CELF4: variants seen among roughly 807,000 people sequenced by gnomAD.
CELF4 encodes the protein CUGBP Elav-like family member 4, also known as CUG-BP- and ETR-3-like factor 4.
In CELF4, 18 loss-of-function variants were observed where a neutral mutation model predicts 59.9. That is an observed-to-expected ratio of 0.30 (90% CI 0.21 to 0.45). CELF4 has a LOEUF of 0.45. Ranked by LOEUF, CELF4 falls within the 20% of genes least tolerant of loss-of-function variation. The probability of loss-of-function intolerance (pLI) is 1.00; values close to 1 mark genes in which losing one functional copy is unlikely to be tolerated. For missense variants in CELF4, 456 were observed against 689.0 expected, an observed-to-expected ratio of 0.66 and a Z score of 3.79; for synonymous variants, 261 against 267.1, an observed-to-expected ratio of 0.98 and a Z score of 0.22.
chr18:37,312,320 G>C (rs528099534), intron 3 of CELF4, among the ~76,000 whole-genome samples: 32 of 152,114 alleles, frequency 2.1e-4, no homozygotes, highest in Non-Finnish European at 2.9e-4. Context: ...GCTGGGCCTG[G>C]CCAGTTGCTA....
intron 1 of CELF4, among the ~76,000 whole-genome samples, chr18:37,560,056 G>A (rs534540508): frequency 3.9e-5 from 6 of 152,200 alleles, no homozygotes; most frequent in Non-Finnish European, 5.9e-5. Context: ...ATTGGAGCAG[G>A]TGATGAAGGG....
intron 3 of CELF4, among the ~76,000 whole-genome samples, chr18:37,288,919 C>T (rs1387156161): frequency 1.3e-5 from 2 of 152,030 alleles, no homozygotes; most frequent in South Asian, 2.1e-4. Context: ...ATTTGGTTAC[C>T]GTGAAATTCC....
Position 37,554,764 on chromosome 18 carries a change from CT to C in CELF4, c.286+10591del, listed in dbSNP as rs1297108022. ...CTTTTCACTTCTTCCCCAGGACATC[CT>C]TCCAGGTGTTATCTATGGCTGCCAA... On this transcript the variant is annotated intron_variant, in intron 1 of 12. Transcript: ENST00000420428. 7.0e-4 allele frequency among the ~76,000 whole-genome samples: 106 copies of C among 152,232 alleles called. 1 individual carries two copies. Among genetic ancestry groups the C allele is most frequent in the Non-Finnish European group, 2.4e-4 (16 of 67,994 alleles).
intron 11 of CELF4, among the ~76,000 whole-genome samples, chr18:37,258,311 G>A (rs35532063): frequency 0.18 from 17,528 of 97,696 alleles, 1,312 homozygotes; most frequent in Middle Eastern, 0.26. Flanking sequence ...CCACACCCCC[G>A]CGCCTGGTCT....
At chr18:37,370,210 C>G (rs569611249) in intron 2 of CELF4, among the ~76,000 whole-genome samples, 43 of 152,268 alleles carry the variant, frequency 2.8e-4, no homozygotes, top group African/African-American at 1.0e-3. Flanking sequence ...TTTATGCCTC[C>G]TGAGGGACTA....
At chr18:37,387,753 C>G (rs970626546) in intron 2 of CELF4, among the ~76,000 whole-genome samples, 1 of 152,236 alleles carries the variant, frequency 6.6e-6, no homozygotes, top group Non-Finnish European at 1.5e-5. Context: ...ATCTTCATGT[C>G]CTGCTTTCCA....
Position 37,485,581 on chromosome 18 carries a change from G to A in CELF4, c.313C>T (p.Arg105Cys). Residue 105 changes from arginine (R) to cysteine (C), a missense_variant, in exon 2 of 13, where the codon CGT becomes TGT. Transcript: ENST00000420428. ...CTCTGGGCCTTCAGCGCTGACTCAC[G>A]CTCGCAGTAGGTGAGGAAGGCGCAG... Reference protein sequence around the residue: ...KGCAFLTYCERESALKAQSAL... With the variant: ...KGCAFLTYCECESALKAQSAL... 1 of 1,456,922 alleles carries A rather than the reference G, an allele frequency of 6.9e-7. No homozygotes were observed. Among genetic ancestry groups the A allele is most frequent in the Non-Finnish European group, 9.2e-7 (1 of 1,091,448 alleles). 90.2% of individuals were successfully genotyped at this position (1,456,922 alleles called of 1,614,324 possible).
intron 2 of CELF4, among the ~76,000 whole-genome samples, chr18:37,356,418 C>A (rs899251364): frequency 1.3e-4 from 19 of 151,996 alleles, no homozygotes; most frequent in Non-Finnish European, 2.8e-4. Flanking sequence ...CAGAAAGAGA[C>A]AAGGACATGA....
chr18:37,460,067 G>T (rs1330001416), intron 2 of CELF4, among the ~76,000 whole-genome samples: 1 of 152,198 alleles, frequency 6.6e-6, no homozygotes, highest in Non-Finnish European at 1.5e-5. Context: ...CAAGGGGGAG[G>T]AAGTCGAAGG....
chr18:37,484,108 C>T (rs1013551647), intron 2 of CELF4, among the ~76,000 whole-genome samples: 1 of 152,140 alleles, frequency 6.6e-6, no homozygotes, highest in Non-Finnish European at 1.5e-5. Flanking sequence ...CAATCTCTCT[C>T]AAGCTGATGA....
chr18:37,479,522 G>A (rs2099860326), intron 2 of CELF4, among the ~76,000 whole-genome samples: 1 of 152,210 alleles, frequency 6.6e-6, no homozygotes, highest in African/African-American at 2.4e-5. Flanking sequence ...AAAATTGAGA[G>A]CCACTGCCCT....
chr18:37,464,891 G>A (rs764318813), intron 2 of CELF4, among the ~76,000 whole-genome samples: 12 of 152,136 alleles, frequency 7.9e-5, no homozygotes, highest in Non-Finnish European at 1.5e-4. Flanking sequence ...ATGTTCTCCC[G>A]GGATAACTAC....
chr18:37,298,496 G>A (rs534303336), intron 3 of CELF4, among the ~76,000 whole-genome samples: 2 of 152,244 alleles, frequency 1.3e-5, no homozygotes, highest in East Asian at 3.9e-4. Flanking sequence ...GAGGTGGGTG[G>A]ATCACTTGGG....
intron 2 of CELF4, among the ~76,000 whole-genome samples, chr18:37,440,894 T>C (rs927647840): frequency 6.6e-6 from 1 of 152,196 alleles, no homozygotes; most frequent in Non-Finnish European, 1.5e-5. Context: ...CAAATGGAGA[T>C]AACAATTCTC....
intron 1 of CELF4, among the ~76,000 whole-genome samples, chr18:37,563,589 G>A (rs948084427): frequency 6.6e-6 from 1 of 152,094 alleles, no homozygotes; most frequent in Non-Finnish European, 1.5e-5. Context: ...GAAAAAGAAA[G>A]TGTTTTCTTT....
At chr18:37,300,360 G>T (rs1015831465) in intron 3 of CELF4, among the ~76,000 whole-genome samples, 2 of 152,132 alleles carry the variant, frequency 1.3e-5, no homozygotes, top group South Asian at 4.1e-4. Flanking sequence ...GAGTAGCTGG[G>T]ATTACAGGCA....
rs561464294 is a variant in CELF4, at chr18:37,243,186, C to CTTTTTT, written c.*2050_*2055dup. 18 of 100,574 alleles carry CTTTTTT rather than the reference C, an allele frequency of 1.8e-4. No homozygotes were observed. The highest frequency in any genetic ancestry group is 3.5e-4 in the South Asian group (1 of 2,890). 6.2% of individuals were successfully genotyped at this position (100,574 alleles called of 1,614,324 possible). ...TGTTTTCTTTTTTTTTTCTTTTTTT[C>CTTTTTT]TTTTTTTTTTTTTTTTTTTTACATC... On this transcript the variant is annotated 3_prime_UTR_variant, in exon 13 of 13. Coordinates refer to ENST00000420428, the MANE Select transcript of CELF4 (RefSeq NM_020180.4).
At chr18:37,554,052 A>G (rs993663165) in intron 1 of CELF4, among the ~76,000 whole-genome samples, 1 of 152,192 alleles carries the variant, frequency 6.6e-6, no homozygotes, top group East Asian at 1.9e-4. Flanking sequence ...AGCTACCTAG[A>G]GCCAGGCCTT....
chr18:37,442,822 A>C (rs1378590301), intron 2 of CELF4, among the ~76,000 whole-genome samples: 1 of 152,176 alleles, frequency 6.6e-6, no homozygotes, highest in Non-Finnish European at 1.5e-5. Context: ...AGAATTCTCT[A>C]AGGAACATCT....
Sources: gnomAD v4.1 joint callset for allele counts (sites outside exome capture counted in the v4.1 genomes callset) on GRCh38, gnomAD v4.1.1 for gene constraint, MANE v1.5 for transcripts, NCBI Gene and HGNC (gene_info 2026-07-23, HGNC 2026-07-21) for gene names.